Variants in LPCAT2 observed in about 807,000 individuals in gnomAD.
LPCAT2 encodes the protein lysophosphatidylcholine acyltransferase 2.
A neutral mutation model predicts 64.7 loss-of-function variants in LPCAT2; 58 were observed. The ratio of observed to expected loss-of-function variants is 0.90; its 90% confidence interval spans 0.73 to 1.12. LPCAT2 has a LOEUF of 1.12. Among genes scored for constraint, LPCAT2 ranks in the 50% most tolerant of loss-of-function variants. The probability of loss-of-function intolerance (pLI) is 0.00; values close to 1 mark genes in which losing one functional copy is unlikely to be tolerated. For missense variants in LPCAT2, 579 were observed against 669.8 expected (o/e 0.86, Z 1.50); for synonymous variants, 252 against 245.3 (o/e 1.03, Z -0.26).
At chr16:55,516,337 T>C (rs1963011279) in intron 1 of LPCAT2, among the ~76,000 whole-genome samples, 1 of 152,196 alleles carries the variant, frequency 6.6e-6, no homozygotes, top group Non-Finnish European at 1.5e-5. Context: ...ACTCCTGGGC[T>C]CAAGCAGTCT....
intron 12 of LPCAT2, among the ~76,000 whole-genome samples, chr16:55,577,931 AC>A (rs1428444002): frequency 6.6e-6 from 1 of 152,148 alleles, no homozygotes; most frequent in Non-Finnish European, 1.5e-5. Flanking sequence ...GAAATTGTTT[AC>A]TAAAATCATC....
intron 1 of LPCAT2, among the ~76,000 whole-genome samples, chr16:55,525,207 T>C (rs1412187536): frequency 6.6e-6 from 1 of 152,150 alleles, no homozygotes; most frequent in Non-Finnish European, 1.5e-5. Flanking sequence ...CCCTGGCTGC[T>C]AAATCATATA....
chr16:55,513,711 T>G lies in LPCAT2; in HGVS notation c.171+4359T>G, dbSNP rs375854835. ...AAAAACCAACGGCCTACAGTCATAA[T>G]GAAAACCAGCAACCTGTCAGCCACT... On this transcript the variant is annotated intron_variant, in intron 1 of 13. Transcript: ENST00000262134. Among the ~76,000 whole-genome samples, 187 of 152,258 alleles carry G rather than the reference T, an allele frequency of 1.2e-3. 6 individuals are homozygous for G. In the South Asian group the frequency reaches 0.034, roughly 28 times the overall value.
chr16:55,582,389 T>C (rs1424921079), intron 13 of LPCAT2, among the ~76,000 whole-genome samples: 1 of 152,224 alleles, frequency 6.6e-6, no homozygotes, highest in Non-Finnish European at 1.5e-5. Flanking sequence ...TTGTCTAAGT[T>C]TTTGGGCTTT....
chr16:55,566,844 AGAG>A, intron 11 of LPCAT2: 1 of 1,613,892 alleles, frequency 6.2e-7, no homozygotes, highest in Admixed American at 1.7e-5. Flanking sequence ...TGGTCAGAGA[AGAG>A]AAGGAGGAGG....
chr16:55,510,221 A>C (rs1394722243), intron 1 of LPCAT2, among the ~76,000 whole-genome samples: 1 of 152,124 alleles, frequency 6.6e-6, no homozygotes, highest in Non-Finnish European at 1.5e-5. Context: ...CTTCACCTAA[A>C]AACGTTTCCT....
chr16:55,513,655 A>G (rs1297664781), intron 1 of LPCAT2, among the ~76,000 whole-genome samples: 6 of 152,184 alleles, frequency 3.9e-5, no homozygotes, highest in Admixed American at 2.0e-4. Context: ...ATTTTATTCT[A>G]ATTCCTCATC....
In LPCAT2 at chr16:55,585,600, C is replaced by G. The variant is rs1314041745; in HGVS notation, c.*2502C>G. 5 of 152,206 alleles carry G rather than the reference C, an allele frequency of 3.3e-5. No homozygotes were observed. Among genetic ancestry groups the G allele is most frequent in the African/African-American group, 1.2e-4 (5 of 41,460 alleles). 9.4% of individuals were successfully genotyped at this position (152,206 alleles called of 1,614,324 possible). A position where few individuals can be genotyped will look rare whatever the true frequency, so the allele number is the denominator to read the frequency against. ...TGAGAAATATTATATCCTAAAACCT[C>G]TAAACCACAAACATTCAATTGAAAG... On this transcript the variant is annotated 3_prime_UTR_variant, in exon 14 of 14. Coordinates refer to ENST00000262134, the MANE Select transcript of LPCAT2 (RefSeq NM_017839.5).
At chr16:55,536,016 A>T (rs1963319589) in intron 7 of LPCAT2, among the ~76,000 whole-genome samples, 1 of 152,190 alleles carries the variant, frequency 6.6e-6, no homozygotes, top group Non-Finnish European at 1.5e-5. Flanking sequence ...GAGAGTCAAA[A>T]ATTTTTCAGG....
At chr16:55,552,738 AC>A (rs1458355836) in intron 11 of LPCAT2, among the ~76,000 whole-genome samples, 7 of 152,180 alleles carry the variant, frequency 4.6e-5, no homozygotes, top group African/African-American at 1.4e-4. Context: ...TAATTTAGAA[AC>A]CCTTCACTGC....
Position 55,574,572 on chromosome 16 carries a change from A to C in LPCAT2, c.1216-59A>C, listed in dbSNP as rs540074163. Reference sequence around the variant, plus strand: ...ACATACCTGAATTTTACCTTGTAGTAGGATTAATAGTAATTCCACTAGTGG... The same window carrying C: ...ACATACCTGAATTTTACCTTGTAGTCGGATTAATAGTAATTCCACTAGTGG... On this transcript the variant is annotated intron_variant, in intron 11 of 13. Coordinates refer to ENST00000262134, the MANE Select transcript of LPCAT2 (RefSeq NM_017839.5). The C allele has an allele frequency of 1.0e-4, 115 of 1,129,356 alleles. 1 individual carries two copies. In the South Asian group the frequency reaches 1.2e-3, roughly 11 times the overall value. The allele number at this position is 1,129,356 out of a possible 1,614,324, so 70.0% of individuals were successfully genotyped here.
At chr16:55,518,364 T>G (rs1373185605) in intron 1 of LPCAT2, among the ~76,000 whole-genome samples, 1 of 152,202 alleles carries the variant, frequency 6.6e-6, no homozygotes, top group African/African-American at 2.4e-5. Flanking sequence ...GATCTACAGA[T>G]TAGTATAACC....
chr16:55,576,222 A>G (rs993415866), intron 12 of LPCAT2, among the ~76,000 whole-genome samples: 17 of 150,450 alleles, frequency 1.1e-4, no homozygotes, highest in Non-Finnish European at 2.2e-4. Flanking sequence ...ATTATGCTTT[A>G]CATTGGTTAT....
At chr16:55,512,532 G>A (rs1350627001) in intron 1 of LPCAT2, among the ~76,000 whole-genome samples, 2 of 151,850 alleles carry the variant, frequency 1.3e-5, no homozygotes, top group African/African-American at 4.9e-5. Flanking sequence ...AGAGCACAAA[G>A]TTCAAGACTA....
chr16:55,580,011 T>A (rs1333510424), intron 13 of LPCAT2, among the ~76,000 whole-genome samples: 2 of 152,150 alleles, frequency 1.3e-5, no homozygotes, highest in Admixed American at 6.5e-5. Flanking sequence ...GAGACCAAGA[T>A]AATTGTTTCC....
In LPCAT2 at chr16:55,583,146, G is replaced by T; in HGVS notation, c.*48G>T. On this transcript the variant is annotated 3_prime_UTR_variant, in exon 14 of 14. Transcript: ENST00000262134. Reference sequence around the variant, plus strand: ...AACACAGTAGCTTTTGCTTGAAATTGTAAAGGCACTTATTGATAATACTTT... The same window carrying T: ...AACACAGTAGCTTTTGCTTGAAATTTTAAAGGCACTTATTGATAATACTTT... 7.1e-7 allele frequency: 1 copy of T among 1,409,602 alleles called. No individual in the cohort carries two copies. Among genetic ancestry groups the T allele is most frequent in the Non-Finnish European group, 9.7e-7 (1 of 1,025,674 alleles). The allele number at this position is 1,409,602 out of a possible 1,614,324, so 87.3% of individuals were successfully genotyped here. A position where few individuals can be genotyped will look rare whatever the true frequency, so the allele number is the denominator to read the frequency against.
intron 13 of LPCAT2, among the ~76,000 whole-genome samples, chr16:55,581,816 T>G (rs1353502074): frequency 6.6e-6 from 1 of 152,164 alleles, no homozygotes; most frequent in African/African-American, 2.4e-5. Flanking sequence ...TTTCAGAAAC[T>G]CCAGGTTACT....
intron 1 of LPCAT2, among the ~76,000 whole-genome samples, chr16:55,520,632 A>G (rs1254541662): frequency 6.6e-6 from 1 of 151,992 alleles, no homozygotes; most frequent in African/African-American, 2.4e-5. Context: ...CTCAATAAAT[A>G]CCAAAAGTTT....
At position 55,586,430 on chromosome 16, in the gene LPCAT2, A is replaced by G. The variant is rs560837236; in HGVS notation, c.*3332A>G. 3 of 152,268 alleles carry G rather than the reference A, an allele frequency of 2.0e-5. No individual in the cohort carries two copies. Among genetic ancestry groups the G allele is most frequent in the South Asian group, 2.1e-4 (1 of 4,822 alleles). 9.4% of individuals were successfully genotyped at this position (152,268 alleles called of 1,614,324 possible). On this transcript the variant is annotated 3_prime_UTR_variant, in exon 14 of 14. Transcript: ENST00000262134. ...GAATCTATGCACATTAGCAAAATTT[A>G]AAAGATAGAGAAAAATATAAACAGA...
Sources: gnomAD v4.1 joint callset for allele counts (sites outside exome capture counted in the v4.1 genomes callset) on GRCh38, gnomAD v4.1.1 for gene constraint, MANE v1.5 for transcripts, NCBI Gene and HGNC (gene_info 2026-07-23, HGNC 2026-07-21) for gene names.